Variants in NCOA2 observed in about 807,000 individuals in gnomAD.
NCOA2 encodes the protein class E basic helix-loop-helix protein 75.
In NCOA2, 21 loss-of-function variants were observed where a neutral mutation model predicts 145.1. The ratio of observed to expected loss-of-function variants is 0.14; its 90% CI spans 0.10 to 0.21. The LOEUF (loss-of-function observed/expected upper bound fraction) is 0.21. Among genes scored for constraint, NCOA2 ranks in the 10% least tolerant of loss-of-function variants. NCOA2 has a pLI of 1.00. For synonymous variants in NCOA2, 619 were observed against 637.5 expected (o/e 0.97, Z 0.44); for missense variants, 1,472 against 1,837.6 (o/e 0.80, Z 3.64).
chr8:70,138,757 TA>T (rs931032297), intron 14 of NCOA2, among the ~76,000 whole-genome samples: 1 of 152,252 alleles, frequency 6.6e-6, no homozygotes, highest in Non-Finnish European at 1.5e-5. Context: ...ATTGCAAAAT[TA>T]AAAAATTCTT....
intron 22 of NCOA2, among the ~76,000 whole-genome samples, chr8:70,119,849 G>T (rs1807591354): frequency 6.6e-6 from 1 of 151,108 alleles, no homozygotes; most frequent in Non-Finnish European, 1.5e-5. Context: ...TTTCTTTTGA[G>T]AAATTATTCA....
rs114784348 is a variant in NCOA2 at position 70,295,472 on chromosome 8, G to A, written c.-20+1272C>T. 1.9e-3 allele frequency among the ~76,000 whole-genome samples: 293 copies of A among 152,200 alleles called. 10 individuals carry two copies. In the East Asian group the frequency reaches 0.041, roughly 21 times the overall value. ...CTTCAGGTTTGTTCTTTACTTGATT[G>A]TAAGAACCTTCTGGGACAGTGACAA... On this transcript the variant is annotated intron_variant, in intron 2 of 22. Coordinates refer to ENST00000452400, the MANE Select transcript of NCOA2 (RefSeq NM_006540.4).
chr8:70,175,687 A>G (rs1241141555), intron 4 of NCOA2, among the ~76,000 whole-genome samples: 1 of 152,276 alleles, frequency 6.6e-6, no homozygotes, highest in Non-Finnish European at 1.5e-5. Flanking sequence ...AAAAGTTTAC[A>G]GCATAACACA....
At chr8:70,254,964 C>A (rs1823515673) in intron 2 of NCOA2, among the ~76,000 whole-genome samples, 1 of 152,106 alleles carries the variant, frequency 6.6e-6, no homozygotes, top group South Asian at 2.1e-4. Context: ...CTTATACTTT[C>A]AACATTCTAA....
At chr8:70,283,407 T>G (rs1826024179) in intron 2 of NCOA2, among the ~76,000 whole-genome samples, 8 of 152,228 alleles carry the variant, frequency 5.3e-5, no homozygotes. Flanking sequence ...AGAAGCAATC[T>G]TTCAGACTGC....
chr8:70,222,482 C>T (rs1820236589), intron 2 of NCOA2, among the ~76,000 whole-genome samples: 1 of 152,190 alleles, frequency 6.6e-6, no homozygotes, highest in Non-Finnish European at 1.5e-5. Flanking sequence ...AAAATTCCTT[C>T]CTCTCAGTAT....
chr8:70,151,490 G>A (rs1811744328), intron 11 of NCOA2, among the ~76,000 whole-genome samples: 1 of 152,150 alleles, frequency 6.6e-6, no homozygotes, highest in Non-Finnish European at 1.5e-5. Context: ...GTTTCACCAT[G>A]TTGGCTAGGC....
At chr8:70,395,807 T>C (rs541056718) in intron 1 of NCOA2, among the ~76,000 whole-genome samples, 1 of 152,314 alleles carries the variant, frequency 6.6e-6, no homozygotes, top group Admixed American at 6.5e-5. Context: ...ACTAACACTC[T>C]CCAAGTTAAG....
At chr8:70,441,495 GAA>G in the NCOA2 span, among the ~76,000 whole-genome samples, 2 of 135,854 alleles carry the variant, frequency 1.5e-5, no homozygotes, top group African/African-American at 5.4e-5. Flanking sequence ...AGAAGGGAAA[GAA>G]AGAGAAAGAA....
At chr8:70,318,122 AGCCGGTTT>A (rs1368628522) in intron 1 of NCOA2, among the ~76,000 whole-genome samples, 1 of 152,190 alleles carries the variant, frequency 6.6e-6, no homozygotes, top group Non-Finnish European at 1.5e-5. Flanking sequence ...CCTCAGGTCA[AGCCGGTTT>A]GCTTCTTTTT....
In NCOA2 at chr8:70,166,555, T is replaced by C. The variant is rs1199705545; in HGVS notation, c.730+11A>G. ...ACAGACACACAGAACACCCTAGGGA[T>C]TCTGTCCCACCTTCTCCTTCTTCTT... On this transcript the variant is annotated intron_variant, in intron 7 of 22. Coordinates refer to ENST00000452400, the MANE Select transcript of NCOA2 (RefSeq NM_006540.4). 6.2e-7 allele frequency: 1 copy of C among 1,613,834 alleles called. No individual in the cohort carries two copies. The highest frequency in any genetic ancestry group is 1.3e-5 in the African/African-American group (1 of 75,058).
chr8:70,234,648 G>A (rs1052601028), intron 2 of NCOA2, among the ~76,000 whole-genome samples: 1 of 151,792 alleles, frequency 6.6e-6, no homozygotes, highest in Non-Finnish European at 1.5e-5. Context: ...GTGTTTATTT[G>A]GCTATTTGCA....
Position 70,128,485 on chromosome 8 carries a change from A to T in NCOA2, c.3629T>A (p.Ile1210Asn). 1 of 1,613,048 alleles carries T rather than the reference A, an allele frequency of 6.2e-7. No individual in the cohort carries two copies. Among genetic ancestry groups the T allele is most frequent in the Non-Finnish European group, 8.5e-7 (1 of 1,179,476 alleles). Residue 1210 changes from isoleucine to asparagine, a missense_variant, in exon 18 of 23, where the codon ATC becomes AAC. Ile to Asn is a moderately radical substitution (Grantham distance 149). Transcript: ENST00000452400. ...CAAGTTCACATTGGAAACATTGCTG[A>T]TTTGATTCATAAGTGGCTGGCGATT... Reference protein sequence around the residue: ...QQNRQPLMNQISNVSNVNLTL... With the variant: ...QQNRQPLMNQNSNVSNVNLTL...
At chr8:70,439,222 A>G in the NCOA2 span, among the ~76,000 whole-genome samples, 3 of 152,190 alleles carry the variant, frequency 2.0e-5, no homozygotes, top group African/African-American at 7.2e-5. Flanking sequence ...ATGTCCAAAC[A>G]CTGTGCTAAG....
chr8:70,399,700 A>C (rs1244275483), intron 1 of NCOA2, among the ~76,000 whole-genome samples: 1 of 152,276 alleles, frequency 6.6e-6, no homozygotes, highest in Non-Finnish European at 1.5e-5. Flanking sequence ...AACTTCGATC[A>C]TGACACAATA....
rs1425957983 is a variant in NCOA2, at chr8:70,127,045, T to C, written c.3684A>G (p.Ala1228=). 6.2e-7 allele frequency: 1 copy of C among 1,606,152 alleles called. No homozygotes were observed. ...LTLRPGVPTQ[A]PINAQMLAQR... is the part of the protein sequence containing the mutation. ...GGGCCAGCATCTGTGCATTAATAGG[T>C]GCCTGAAATCCGGGGCAACACATGG... is the stretch of plus-strand genomic sequence containing the variant. Residue 1228 remains alanine (A), a splice_region_variant and synonymous_variant, in exon 19 of 23, where the codon GCA becomes GCG. Transcript: ENST00000452400.
chr8:70,192,615 C>T (rs1256408060), intron 4 of NCOA2, among the ~76,000 whole-genome samples: 1 of 152,240 alleles, frequency 6.6e-6, no homozygotes. Context: ...AAGGAAGAGG[C>T]AACCATGCTC....
chr8:70,452,163 A>G, the NCOA2 span, among the ~76,000 whole-genome samples: 3,089 of 152,226 alleles, frequency 0.02, 109 homozygotes, highest in African/African-American at 0.07. Context: ...TTTTGTAGAC[A>G]TGGGGTTTCA....
chr8:70,219,207 C>T (rs1413882940), intron 2 of NCOA2, among the ~76,000 whole-genome samples: 1 of 152,134 alleles, frequency 6.6e-6, no homozygotes, highest in Non-Finnish European at 1.5e-5. Flanking sequence ...TTATAATTTG[C>T]TTGTACCTAC....
Sources: gnomAD v4.1 joint callset for allele counts (sites outside exome capture counted in the v4.1 genomes callset) on GRCh38, gnomAD v4.1.1 for gene constraint, MANE v1.5 for transcripts, NCBI Gene and HGNC (gene_info 2026-07-23, HGNC 2026-07-21) for gene names.